MKLN1: variants seen among roughly 807,000 people sequenced by gnomAD.
The protein encoded by MKLN1 is muskelin 1, also known as muskelin.
A neutral mutation model predicts 99.0 loss-of-function variants in MKLN1; 18 were observed. That is an observed-to-expected ratio of 0.18 (90% CI 0.13 to 0.27). The LOEUF (loss-of-function observed/expected upper bound fraction) is 0.27. Among genes scored for constraint, MKLN1 ranks in the 10% least tolerant of loss-of-function variants. The probability of loss-of-function intolerance (pLI) is 1.00; values close to 1 mark genes in which losing one functional copy is unlikely to be tolerated. For synonymous variants in MKLN1, 288 were observed against 293.2 expected, an observed-to-expected ratio of 0.98 and a Z score of 0.18; for missense variants, 621 against 875.9, an observed-to-expected ratio of 0.71 and a Z score of 3.67.
intron 12 of MKLN1, among the ~76,000 whole-genome samples, chr7:131,456,938 A>G (rs1796361028): frequency 6.6e-6 from 1 of 152,148 alleles, no homozygotes. Flanking sequence ...CTGTCTCAAA[A>G]AAAAAAAATG....
chr7:131,140,105 A>AC (rs1382176658), intron 1 of MKLN1, among the ~76,000 whole-genome samples: 1 of 152,182 alleles, frequency 6.6e-6, no homozygotes, highest in African/African-American at 2.4e-5. Flanking sequence ...CTCTGACCTG[A>AC]CTGCTGCCTC....
intron 8 of MKLN1, among the ~76,000 whole-genome samples, chr7:131,422,453 A>T (rs1021752615): frequency 2.0e-5 from 3 of 152,162 alleles, no homozygotes; most frequent in African/African-American, 7.2e-5. Flanking sequence ...TGGGAGGCTG[A>T]GGCTTGAGGA....
chr7:131,422,532 C>T (rs575872190), intron 8 of MKLN1, among the ~76,000 whole-genome samples: 34 of 152,216 alleles, frequency 2.2e-4, no homozygotes, highest in African/African-American at 7.9e-4. Context: ...CCAGTCCAGT[C>T]GACAGAGCAA....
intron 16 of MKLN1, among the ~76,000 whole-genome samples, chr7:131,472,461 G>A (rs1796845456): frequency 6.6e-6 from 1 of 152,180 alleles, no homozygotes; most frequent in Non-Finnish European, 1.5e-5. Flanking sequence ...GCTGGTTTCT[G>A]TTTTTCTTCT....
At chr7:131,411,278 A>C in intron 6 of MKLN1, 28 bp from the exon 7 acceptor site, 1 of 1,424,856 alleles carries the variant, frequency 7.0e-7, no homozygotes, top group Non-Finnish European at 9.9e-7. Context: ...TTAAGGTGTA[A>C]TTCTTTCTCA....
chr7:131,226,915 C>T (rs2116464766), intron 3 of MKLN1, among the ~76,000 whole-genome samples: 1 of 152,198 alleles, frequency 6.6e-6, no homozygotes, highest in Middle Eastern at 3.4e-3. Flanking sequence ...ACCTTGTGTA[C>T]TTGTGATCTG....
intron 3 of MKLN1, among the ~76,000 whole-genome samples, chr7:131,258,790 G>C (rs1797693127): frequency 6.6e-6 from 1 of 152,120 alleles, no homozygotes; most frequent in Non-Finnish European, 1.5e-5. Flanking sequence ...TCATGAAAAA[G>C]AGTAAGGATG....
Position 131,443,719 on chromosome 7 carries a change from C to T in MKLN1, c.1395+17C>T. 6.6e-7 allele frequency: 1 copy of T among 1,515,962 alleles called. No individual in the cohort carries two copies. Among genetic ancestry groups the T allele is most frequent in the African/African-American group, 1.4e-5 (1 of 72,814 alleles). The allele number at this position is 1,515,962 out of a possible 1,614,324, so 93.9% of individuals were successfully genotyped here. ...TTCCACTCAGTAAGAACATTCCGTA[C>T]ATTGCGTAAATGTTATTTTGTCATG... On this transcript the variant is annotated intron_variant, in intron 11 of 17. Coordinates refer to ENST00000352689, the MANE Select transcript of MKLN1 (RefSeq NM_013255.5).
At position 131,374,546 on chromosome 7, in the gene MKLN1, T is replaced by C. The variant is rs981212793; in HGVS notation, c.99-878T>C. On this transcript the variant is annotated intron_variant, in intron 1 of 17. Transcript: ENST00000352689. Reference sequence around the variant, plus strand: ...CCCACATTTACCAGCCATTTACTTATTTGTTCAACCCCAGTATGTATGTAA... The same window carrying C: ...CCCACATTTACCAGCCATTTACTTACTTGTTCAACCCCAGTATGTATGTAA... 7.9e-5 allele frequency among the ~76,000 whole-genome samples: 12 copies of C among 152,186 alleles called. 1 individual carries two copies. The highest frequency in any genetic ancestry group is 1.0e-4 in the Non-Finnish European group (7 of 68,024).
At chr7:131,475,232 T>C (rs1163865083) in intron 16 of MKLN1, among the ~76,000 whole-genome samples, 3 of 152,174 alleles carry the variant, frequency 2.0e-5, no homozygotes, top group Non-Finnish European at 2.9e-5. Context: ...GAAAACTTCA[T>C]TGACAAGCCG....
intron 1 of MKLN1, among the ~76,000 whole-genome samples, chr7:131,116,840 A>T (rs1795285122): frequency 6.6e-6 from 1 of 152,164 alleles, no homozygotes; most frequent in Admixed American, 6.5e-5. Flanking sequence ...TGACAAAAAT[A>T]AAAAAGTTTA....
intron 1 of MKLN1, among the ~76,000 whole-genome samples, chr7:131,140,985 C>A (rs6977414): frequency 1.3e-5 from 2 of 151,818 alleles, no homozygotes; most frequent in African/African-American, 4.8e-5. Flanking sequence ...GGGGCTTCAC[C>A]GTGTTAGCCA....
At chr7:131,217,676 C>G (rs189113981) in intron 3 of MKLN1, among the ~76,000 whole-genome samples, 1 of 152,094 alleles carries the variant, frequency 6.6e-6, no homozygotes, top group African/African-American at 2.4e-5. Flanking sequence ...CCAGCCTGGG[C>G]GAAAGAGTGA....
intron 3 of MKLN1, among the ~76,000 whole-genome samples, chr7:131,221,757 G>C (rs1347024671): frequency 1.3e-5 from 2 of 151,044 alleles, no homozygotes; most frequent in Non-Finnish European, 2.9e-5. Context: ...CTGACCTTAG[G>C]TGATCCACCC....
At chr7:131,301,903 G>A (rs1258287524) in intron 3 of MKLN1, among the ~76,000 whole-genome samples, 6 of 152,128 alleles carry the variant, frequency 3.9e-5, no homozygotes, top group Non-Finnish European at 7.3e-5. Flanking sequence ...TTTGATGCCA[G>A]GTAACATGTG....
intron 4 of MKLN1, among the ~76,000 whole-genome samples, chr7:131,392,355 A>G (rs930707326): frequency 1.3e-5 from 2 of 152,190 alleles, no homozygotes; most frequent in East Asian, 1.9e-4. Flanking sequence ...AAATCTGAGC[A>G]TGAAGTCTGG....
At chr7:131,212,587 A>G (rs1796921580) in intron 3 of MKLN1, among the ~76,000 whole-genome samples, 1 of 152,212 alleles carries the variant, frequency 6.6e-6, no homozygotes, top group Non-Finnish European at 1.5e-5. Flanking sequence ...TTTCAGGCAA[A>G]CAGAAAACTA....
chr7:131,178,730 C>T (rs548952779), intron 2 of MKLN1, among the ~76,000 whole-genome samples: 5 of 152,226 alleles, frequency 3.3e-5, no homozygotes, highest in Admixed American at 3.3e-4. Context: ...AGGTTAAACA[C>T]TCCTGCTTTT....
intron 3 of MKLN1, among the ~76,000 whole-genome samples, chr7:131,214,247 C>G (rs1468043275): frequency 1.3e-5 from 2 of 152,116 alleles, no homozygotes; most frequent in Non-Finnish European, 2.9e-5. Context: ...TGCCATAGTG[C>G]ATAGTCTAAG....
Sources: allele counts gnomAD v4.1 joint callset (sites outside exome capture counted in the v4.1 genomes callset), GRCh38; gene constraint gnomAD v4.1.1; transcripts MANE v1.5; gene names NCBI Gene and HGNC (gene_info 2026-07-23, HGNC 2026-07-21).